DSCAM: variants seen among roughly 807,000 people sequenced by gnomAD.
DSCAM encodes the protein DS cell adhesion molecule.
A neutral mutation model predicts 217.7 loss-of-function variants in DSCAM; 47 were observed. The observed-to-expected ratio is 0.22, with a 90% CI of 0.17 to 0.28. The LOEUF (loss-of-function observed/expected upper bound fraction) is 0.28, where lower values mean the gene tolerates loss of function less well. DSCAM is among the 10% of genes least tolerant of loss of function. The pLI is 1.00. For synonymous variants in DSCAM, 1,056 were observed against 1,015.3 expected, an observed-to-expected ratio of 1.04 and a Z score of -0.76; for missense variants, 2,080 against 2,618.3, an observed-to-expected ratio of 0.79 and a Z score of 4.49.
At chr21:40,300,252 A>G (rs144566740) in intron 9 of DSCAM, among the ~76,000 whole-genome samples, 1 of 152,302 alleles carries the variant, frequency 6.6e-6, no homozygotes, top group East Asian at 1.9e-4. Context: ...CAAGTTTCCA[A>G]AATGGTACCT....
intron 1 of DSCAM, among the ~76,000 whole-genome samples, chr21:40,730,720 G>A (rs1002797811): frequency 6.6e-6 from 1 of 152,114 alleles, no homozygotes; most frequent in African/African-American, 2.4e-5. Context: ...AGGAGGGGGT[G>A]GGAGCAAGAC....
At chr21:40,061,832 G>A (rs891288130) in intron 28 of DSCAM, among the ~76,000 whole-genome samples, 2 of 152,134 alleles carry the variant, frequency 1.3e-5, no homozygotes, top group African/African-American at 4.8e-5. Context: ...GGTGATGGGA[G>A]TGGGAAGAGG....
intron 3 of DSCAM, among the ~76,000 whole-genome samples, chr21:40,656,829 G>A (rs1466734504): frequency 6.6e-6 from 1 of 152,192 alleles, no homozygotes; most frequent in Non-Finnish European, 1.5e-5. Context: ...TTAAGTAAGA[G>A]CATGATGCTG....
At chr21:40,820,383 T>A (rs1027759677) in intron 1 of DSCAM, among the ~76,000 whole-genome samples, 1 of 152,028 alleles carries the variant, frequency 6.6e-6, no homozygotes, top group Non-Finnish European at 1.5e-5. Flanking sequence ...CACTGCATGT[T>A]CTCACTCGTA....
At chr21:40,542,027 T>C (rs1021540579) in intron 3 of DSCAM, among the ~76,000 whole-genome samples, 1 of 152,096 alleles carries the variant, frequency 6.6e-6, no homozygotes, top group Non-Finnish European at 1.5e-5. Context: ...CAAAAGAGCA[T>C]GGAGAAAAAG....
intron 1 of DSCAM, among the ~76,000 whole-genome samples, chr21:40,822,318 CAAAAAAAAAAAAAAAA>C (rs61569827): frequency 1.7e-5 from 1 of 57,832 alleles, no homozygotes; most frequent in Admixed American, 2.9e-4. Context: ...GATCTTTTCT[CAAAAAAAAAAAAAAAA>C]AAAAAAAAAA....
intron 10 of DSCAM, among the ~76,000 whole-genome samples, chr21:40,284,864 T>A (rs1379888979): frequency 2.0e-5 from 3 of 152,222 alleles, no homozygotes; most frequent in Non-Finnish European, 2.9e-5. Context: ...TTGTGTCCAC[T>A]GTGCAATCCA....
At chr21:40,036,252 AATAG>A (rs1325800721) in intron 32 of DSCAM, among the ~76,000 whole-genome samples, 24 of 149,364 alleles carry the variant, frequency 1.6e-4, no homozygotes, top group Middle Eastern at 3.4e-3. Flanking sequence ...GGATCAACAA[AATAG>A]ATAGACTGCT....
intron 11 of DSCAM, among the ~76,000 whole-genome samples, chr21:40,235,589 A>C (rs2091421695): frequency 6.6e-6 from 1 of 152,096 alleles, no homozygotes. Flanking sequence ...AGAAAATGGC[A>C]CCACACCCAT....
intron 3 of DSCAM, among the ~76,000 whole-genome samples, chr21:40,433,280 T>G (rs2075552813): frequency 7.3e-6 from 1 of 136,296 alleles, no homozygotes; most frequent in Admixed American, 8.4e-5. Flanking sequence ...ACTCGGGAGG[T>G]GGAGACTGCA....
chr21:40,699,189 T>C (rs975138112), intron 2 of DSCAM, among the ~76,000 whole-genome samples: 1 of 152,204 alleles, frequency 6.6e-6, no homozygotes, highest in Admixed American at 6.5e-5. Flanking sequence ...TTGATATTAC[T>C]ATTGTAATTG....
chr21:40,574,465 C>T (rs1441612142), intron 3 of DSCAM, among the ~76,000 whole-genome samples: 1 of 152,096 alleles, frequency 6.6e-6, no homozygotes, highest in Non-Finnish European at 1.5e-5. Context: ...TAAAAGAGAA[C>T]TTTCACAATC....
intron 3 of DSCAM, among the ~76,000 whole-genome samples, chr21:40,386,851 T>C (rs1366294425): frequency 6.6e-6 from 1 of 152,238 alleles, no homozygotes; most frequent in South Asian, 2.1e-4. Flanking sequence ...AACCATCTAA[T>C]GAATTTTCTT....
chr21:40,508,501 C>A (rs2076226602), intron 3 of DSCAM, among the ~76,000 whole-genome samples: 1 of 151,736 alleles, frequency 6.6e-6, no homozygotes, highest in Non-Finnish European at 1.5e-5. Flanking sequence ...AAAATGTTAA[C>A]TAAACAGTTT....
intron 30 of DSCAM, among the ~76,000 whole-genome samples, chr21:40,045,392 G>A (rs1383563191): frequency 6.6e-6 from 1 of 152,140 alleles, no homozygotes; most frequent in Non-Finnish European, 1.5e-5. Flanking sequence ...ATTTAATATG[G>A]AGAACAAAGG....
At chr21:40,088,360 C>T (rs1290523525) in intron 21 of DSCAM, among the ~76,000 whole-genome samples, 1 of 152,110 alleles carries the variant, frequency 6.6e-6, no homozygotes, top group African/African-American at 2.4e-5. Context: ...AGAAGGCTCC[C>T]CCAGGGAAGC....
At chr21:40,311,235 T>C (rs1468698812) in intron 9 of DSCAM, among the ~76,000 whole-genome samples, 1 of 152,242 alleles carries the variant, frequency 6.6e-6, no homozygotes, top group East Asian at 1.9e-4. Context: ...ATATAAATCT[T>C]TAACTTCAGA....
At chr21:40,025,418 A>G (rs1301256710) in intron 32 of DSCAM, among the ~76,000 whole-genome samples, 4 of 143,240 alleles carry the variant, frequency 2.8e-5, no homozygotes, top group East Asian at 4.0e-4. Flanking sequence ...CTCTTTTTCT[A>G]TTGATTGGAA....
chr21:40,125,494 C>T (rs570225511), intron 19 of DSCAM, among the ~76,000 whole-genome samples: 1 of 152,314 alleles, frequency 6.6e-6, no homozygotes, highest in East Asian at 1.9e-4. Flanking sequence ...GAGTCTTTTA[C>T]TGCTTTGATG....
Sources: gnomAD v4.1 joint callset for allele counts (sites outside exome capture counted in the v4.1 genomes callset) on GRCh38, gnomAD v4.1.1 for gene constraint, MANE v1.5 for transcripts, NCBI Gene and HGNC (gene_info 2026-07-23, HGNC 2026-07-21) for gene names.